IGSF9B: variants seen among roughly 807,000 people sequenced by gnomAD.
IGSF9B encodes protein turtle homolog B.
Under a neutral mutation model 143.7 loss-of-function variants are expected in IGSF9B, and 48 were observed. The observed-to-expected ratio is 0.33, with a 90% CI of 0.26 to 0.42. IGSF9B has a LOEUF of 0.42. IGSF9B is among the 20% of genes least tolerant of loss of function. IGSF9B has a pLI of 1.00. For missense variants in IGSF9B, 1,706 were observed against 1,980.0 expected, an observed-to-expected ratio of 0.86 and a Z score of 2.63; for synonymous variants, 903 against 833.1, an observed-to-expected ratio of 1.08 and a Z score of -1.44.
intron 5 of IGSF9B, among the ~76,000 whole-genome samples, chr11:133,937,052 G>T (rs1008343870): frequency 3.3e-5 from 5 of 152,156 alleles, no homozygotes; most frequent in African/African-American, 1.2e-4. Context: ...CCCCAGGGAG[G>T]TCTCCTCTCC....
chr11:133,915,837 C>G (rs1386362120), intron 18 of IGSF9B, among the ~76,000 whole-genome samples: 1 of 152,206 alleles, frequency 6.6e-6, no homozygotes, highest in Admixed American at 6.5e-5. Context: ...GAGCAAACAC[C>G]ACCTGCCTGA....
intron 18 of IGSF9B, among the ~76,000 whole-genome samples, chr11:133,918,342 C>G (rs906572911): frequency 6.6e-6 from 1 of 152,018 alleles, no homozygotes; most frequent in African/African-American, 2.4e-5. Context: ...CAACACCGGC[C>G]GGGGGGCACC....
At chr11:133,956,250 C>G (rs1172014138) in intron 1 of IGSF9B, among the ~76,000 whole-genome samples, 2 of 152,048 alleles carry the variant, frequency 1.3e-5, no homozygotes, top group Non-Finnish European at 2.9e-5. Flanking sequence ...GGTCGCGCCT[C>G]CCTGCAGGCG....
intron 19 of IGSF9B, among the ~76,000 whole-genome samples, chr11:133,910,551 C>T (rs976227826): frequency 2.6e-5 from 4 of 152,132 alleles, no homozygotes; most frequent in East Asian, 3.9e-4. Flanking sequence ...GTGATTAAAC[C>T]GAGGAAGAGC....
At chr11:133,919,133 G>GGT in intron 18 of IGSF9B, 3 of 401,680 alleles carry the variant, frequency 7.5e-6, no homozygotes, top group Non-Finnish European at 5.0e-6. Context: ...GGGGGGTGGG[G>GGT]GACGTGTCCT....
In IGSF9B at chr11:133,919,884, C is replaced by G. The variant is rs776084206; in HGVS notation, c.3841G>C (p.Gly1281Arg). The part of the protein sequence containing the change: ...PAMGFTTLAT[G>R]YPSPPPGPAP... The stretch of plus-strand genomic sequence containing the variant: ...GGGCCGGGTGGAGGGGAAGGGTAGC[C>G]GGTGGCCAGAGTGGTGAAGCCCATG... The change falls in exon 18 of 20, where the codon GGC becomes CGC. Residue 1281 changes from glycine (G) to arginine (R), a missense_variant. By Grantham distance (125) the Gly-to-Arg change is moderately radical. Transcript: ENST00000533871. 13 of 1,584,676 alleles carry G rather than the reference C, an allele frequency of 8.2e-6. No individual in the cohort carries two copies. The highest frequency in any genetic ancestry group is 1.0e-5 in the Non-Finnish European group (12 of 1,164,506).
At position 133,897,191 on chromosome 11, in the gene IGSF9B, C is replaced by T. The variant is rs896791015; in HGVS notation, c.*11878G>A. ...TTTCCAATACACCTCCCTTCCCTGA[C>T]GGAGAAGGGAAGGAGGCAGAAAACA... On this transcript the variant is annotated 3_prime_UTR_variant, in exon 20 of 20. Transcript: ENST00000533871. The T allele has an allele frequency of 4.6e-5, 7 of 152,112 alleles. No homozygotes were observed. Among genetic ancestry groups the T allele is most frequent in the East Asian group, 3.9e-4 (2 of 5,186 alleles). The allele number at this position is 152,112 out of a possible 1,614,324, so 9.4% of individuals were successfully genotyped here. A position where few individuals can be genotyped will look rare whatever the true frequency, so the allele number is the denominator to read the frequency against.
At chr11:133,949,970 T>G (rs1940129150) in intron 1 of IGSF9B, among the ~76,000 whole-genome samples, 1 of 152,198 alleles carries the variant, frequency 6.6e-6, no homozygotes, top group African/African-American at 2.4e-5. Flanking sequence ...CAGCTCCCTT[T>G]GGAGCAGTTA....
At chr11:133,926,046 A>G in intron 13 of IGSF9B, 81 bp from the exon 14 acceptor site, 2 of 1,027,718 alleles carry the variant, frequency 1.9e-6, no homozygotes, top group South Asian at 1.4e-5. Context: ...TCCTGTGCAC[A>G]TGTCAGGGCC....
chr11:133,910,540 A>G (rs1939285777), intron 19 of IGSF9B, among the ~76,000 whole-genome samples: 1 of 152,200 alleles, frequency 6.6e-6, no homozygotes, highest in Admixed American at 6.5e-5. Flanking sequence ...TACCAGTGCT[A>G]GTGATTAAAC....
intron 19 of IGSF9B, 110 bp downstream of exon 19, chr11:133,911,776 G>C: frequency 9.7e-7 from 1 of 1,031,334 alleles, no homozygotes; most frequent in African/African-American, 1.7e-5. Context: ...GAAAGCCCAA[G>C]GTTGGGGCCC....
chr11:133,922,633 C>A lies in IGSF9B; in HGVS notation c.2217G>T (p.Leu739=), dbSNP rs1356644009. 1 of 1,604,878 alleles carries A rather than the reference C, an allele frequency of 6.2e-7. No homozygotes were observed. The highest frequency in any genetic ancestry group is 8.5e-7 in the Non-Finnish European group (1 of 1,175,774). ...ATICFLAAAI[L]FSTLAACFVN... ...CAAAGCAGGCAGCCAGGGTGCTGAA[C>A]AGGATGGCAGCTGCCAAGAAGCAGA... is the stretch of plus-strand genomic sequence containing the variant. Residue 739 remains leucine (L), a synonymous_variant, in exon 16 of 20, where the codon CTG becomes CTT. Transcript: ENST00000533871.
intron 19 of IGSF9B, among the ~76,000 whole-genome samples, chr11:133,911,279 T>C (rs1939297130): frequency 1.3e-5 from 2 of 152,208 alleles, no homozygotes; most frequent in Admixed American, 1.3e-4. Flanking sequence ...ACATCGGACA[T>C]ACTTCGATAG....
rs565670955 is a variant in IGSF9B at position 133,945,106 on chromosome 11, G to A, written c.263-740C>T. On this transcript the variant is annotated intron_variant, in intron 2 of 19. Coordinates refer to ENST00000533871, the MANE Select transcript of IGSF9B (RefSeq NM_001277285.4). The surrounding 1 kb of genome is among the most constrained non-coding windows in gnomAD (Gnocchi z 4.6). Reference sequence around the variant, plus strand: ...ATCTGTGTCTCACATGTGGCAATGAGGAGGCCAGAGGTGCAGAAGCCTCTT... The same window carrying A: ...ATCTGTGTCTCACATGTGGCAATGAAGAGGCCAGAGGTGCAGAAGCCTCTT... Among the ~76,000 whole-genome samples, 2 of 152,316 alleles carry A rather than the reference G, an allele frequency of 1.3e-5. No individual in the cohort carries two copies. Among genetic ancestry groups the A allele is most frequent in the East Asian group, 3.9e-4 (2 of 5,174 alleles).
intron 1 of IGSF9B, among the ~76,000 whole-genome samples, chr11:133,950,332 C>T (rs1318681441): frequency 6.6e-6 from 1 of 152,234 alleles, no homozygotes; most frequent in Non-Finnish European, 1.5e-5. Flanking sequence ...GCCTCGCGTG[C>T]TGTGAATGCC....
Position 133,928,268 on chromosome 11 carries a change from C to A in IGSF9B, c.1632-1177G>T, listed in dbSNP as rs1939664477. Among the ~76,000 whole-genome samples the A allele has an allele frequency of 6.6e-6, 1 of 152,164 alleles. No homozygotes were observed. Among genetic ancestry groups the A allele is most frequent in the African/African-American group, 2.4e-5 (1 of 41,442 alleles). On this transcript the variant is annotated intron_variant, in intron 12 of 19. Coordinates refer to ENST00000533871, the MANE Select transcript of IGSF9B (RefSeq NM_001277285.4). This position sits in a 1 kb window ranked among gnomAD's most constrained non-coding sequence, Gnocchi z 4.7. ...CACCGGTCTCCCAGCAGCCACCGGGCAGGCTGGTTAGGGCCCCCACGCTGC... is the reference window on the plus strand; with the variant it reads ...CACCGGTCTCCCAGCAGCCACCGGGAAGGCTGGTTAGGGCCCCCACGCTGC...
At chr11:133,944,184 T>C (rs774783231) in intron 3 of IGSF9B, 36 bp downstream of exon 3, 4 of 1,563,468 alleles carry the variant, frequency 2.6e-6, no homozygotes, top group Admixed American at 1.8e-5. Flanking sequence ...GCACCGTTGA[T>C]GGTGAGGTGG....
chr11:133,956,941 C>G lies in IGSF9B; in HGVS notation c.-187G>C, dbSNP rs1268670640. The G allele has an allele frequency of 9.4e-5, 36 of 382,234 alleles. 1 individual carries two copies. In the East Asian group the frequency reaches 1.4e-3, roughly 15 times the overall value. 23.7% of individuals were successfully genotyped at this position (382,234 alleles called of 1,614,324 possible). On this transcript the variant is annotated 5_prime_UTR_variant, in exon 1 of 20. Transcript: ENST00000533871. ...TCCGCTCGGCTCGGCGCGCGCCTCC[C>G]CGGCCCCGGCGCAGCGGCACCTGCA... is the stretch of plus-strand genomic sequence containing the variant.
chr11:133,935,597 TC>T lies in IGSF9B; in HGVS notation c.967+19del. On this transcript the variant is annotated intron_variant, in intron 7 of 19. Transcript: ENST00000533871. ...CTTCTGGGAGCCCCACCACCCAGGC[TC>T]CCCTGCACCCCTACTCACACTGCAC... The T allele has an allele frequency of 1.3e-6, 2 of 1,599,742 alleles. No individual in the cohort carries two copies. Among genetic ancestry groups the T allele is most frequent in the South Asian group, 1.1e-5 (1 of 88,414 alleles).
Sources: gnomAD v4.1 joint callset for allele counts (sites outside exome capture counted in the v4.1 genomes callset) on GRCh38, gnomAD v4.1.1 for gene constraint, Gnocchi (gnomAD v3.1) non-coding constraint, MANE v1.5 for transcripts, NCBI Gene and HGNC (gene_info 2026-07-23, HGNC 2026-07-21) for gene names.